The following ADCK1 variants were observed in gnomAD, a reference collection of about 807,000 sequenced individuals.
ADCK1 encodes the protein aarF domain containing kinase 1, also known as aarF domain-containing protein kinase 1.
A neutral mutation model predicts 52.3 loss-of-function variants in ADCK1; 41 were observed. The ratio of observed to expected loss-of-function variants is 0.78; its 90% CI spans 0.61 to 1.02. ADCK1 has a LOEUF of 1.02. ADCK1 is among the 50% of genes least tolerant of loss of function. The pLI, the probability that ADCK1 is intolerant of heterozygous loss-of-function variation, is 0.00. For synonymous variants in ADCK1, 250 were observed against 274.6 expected, an observed-to-expected ratio of 0.91 and a Z score of 0.89; for missense variants, 658 against 679.5, an observed-to-expected ratio of 0.97 and a Z score of 0.35.
intron 1 of ADCK1, among the ~76,000 whole-genome samples, chr14:77,807,099 C>T (rs1364241652): frequency 8.5e-5 from 9 of 106,390 alleles, no homozygotes; most frequent in Non-Finnish European, 1.4e-4. Context: ...GACGGAGTCT[C>T]GCTCTGTCGC....
At chr14:77,815,199 CTTTTTTTT>C (rs56211176) in intron 1 of ADCK1, among the ~76,000 whole-genome samples, 8 of 129,442 alleles carry the variant, frequency 6.2e-5, no homozygotes, top group African/African-American at 1.5e-4. Context: ...TTTGTTTTGT[CTTTTTTTT>C]TTTTTTTTTT....
chr14:77,871,321 G>T (rs35335143), intron 4 of ADCK1, among the ~76,000 whole-genome samples: 5 of 152,018 alleles, frequency 3.3e-5, no homozygotes, highest in Non-Finnish European at 7.4e-5. Flanking sequence ...CCACCCAAGG[G>T]CCAAGGTAGG....
chr14:77,839,590 C>T (rs1425476151), intron 3 of ADCK1, among the ~76,000 whole-genome samples: 1 of 152,100 alleles, frequency 6.6e-6, no homozygotes, highest in Non-Finnish European at 1.5e-5. Context: ...CAATGCAGGC[C>T]TCCCCTTCCC....
chr14:77,820,341 A>G, intron 2 of ADCK1, among the ~76,000 whole-genome samples: 1 of 151,200 alleles, frequency 6.6e-6, no homozygotes, highest in African/African-American at 2.4e-5. Flanking sequence ...TTAAATCTTT[A>G]TTTTTTTGAG....
intron 4 of ADCK1, among the ~76,000 whole-genome samples, chr14:77,876,658 A>T (rs1480832741): frequency 6.6e-6 from 1 of 152,208 alleles, no homozygotes; most frequent in Non-Finnish European, 1.5e-5. Context: ...CATGCGCCCC[A>T]GTAAACCACA....
intron 4 of ADCK1, among the ~76,000 whole-genome samples, chr14:77,883,302 A>T (rs1488063744): frequency 6.7e-6 from 1 of 148,944 alleles, no homozygotes; most frequent in African/African-American, 2.5e-5. Flanking sequence ...CTTGAATCTA[A>T]TTGCTGCAAA....
chr14:77,872,728 G>A (rs2082810785), intron 4 of ADCK1, among the ~76,000 whole-genome samples: 1 of 149,952 alleles, frequency 6.7e-6, no homozygotes, highest in Non-Finnish European at 1.5e-5. Flanking sequence ...AGGCTAGAGT[G>A]CAGTGGCATG....
chr14:77,821,891 GAA>G lies in ADCK1; in HGVS notation c.136-527_136-526del, dbSNP rs35265585. ...AGTGACAGAGCAAGACTCTGTCTCAGAAAAAAAAAAAAAAAAAAGACTTATGC... is the reference window on the plus strand; with the variant it reads ...AGTGACAGAGCAAGACTCTGTCTCAGAAAAAAAAAAAAAAAAGACTTATGC... On this transcript the variant is annotated intron_variant, in intron 2 of 10. Transcript: ENST00000238561. 7.3e-5 allele frequency among the ~76,000 whole-genome samples: 8 copies of G among 109,594 alleles called. 1 individual carries two copies. The East Asian group carries it at 2.0e-3, about 27-fold the overall frequency. 71.9% of individuals were successfully genotyped at this position (109,594 alleles called of 152,430 possible).
intron 3 of ADCK1, among the ~76,000 whole-genome samples, chr14:77,840,173 T>A (rs2082038402): frequency 1.3e-5 from 2 of 152,124 alleles, no homozygotes; most frequent in Admixed American, 1.3e-4. Flanking sequence ...ATTAGTTTCC[T>A]GTGACTGCTC....
intron 3 of ADCK1, among the ~76,000 whole-genome samples, chr14:77,856,418 A>G (rs2082418041): frequency 6.6e-6 from 1 of 151,934 alleles, no homozygotes; most frequent in Non-Finnish European, 1.5e-5. Context: ...GTGTGTATGT[A>G]TGACTGTCTG....
At chr14:77,809,222 A>G (rs2081288055) in intron 1 of ADCK1, among the ~76,000 whole-genome samples, 2 of 152,196 alleles carry the variant, frequency 1.3e-5, no homozygotes, top group South Asian at 2.1e-4. Context: ...CTTGAGTGGC[A>G]GAGTAAAGAT....
intron 5 of ADCK1, among the ~76,000 whole-genome samples, chr14:77,897,262 C>T (rs1245405415): frequency 5.3e-5 from 8 of 152,176 alleles, no homozygotes; most frequent in African/African-American, 1.2e-4. Context: ...GGCCTGGCTT[C>T]GAATGCCAGC....
intron 7 of ADCK1, chr14:77,924,123 AG>A: frequency 4.6e-6 from 1 of 218,706 alleles, no homozygotes; most frequent in Non-Finnish European, 8.7e-6. Flanking sequence ...AAGGGTATGG[AG>A]GAGAGAAATG....
At chr14:77,881,327 A>C (rs559920474) in intron 4 of ADCK1, among the ~76,000 whole-genome samples, 48 of 152,302 alleles carry the variant, frequency 3.2e-4, no homozygotes, top group African/African-American at 1.1e-3. Flanking sequence ...ATGCCGTGGC[A>C]GCTCACTTCT....
At chr14:77,898,936 T>A (rs545674265) in intron 5 of ADCK1, among the ~76,000 whole-genome samples, 164 bp from the exon 6 acceptor site, 1 of 152,278 alleles carries the variant, frequency 6.6e-6, no homozygotes, top group East Asian at 1.9e-4. Context: ...ACCAAGCTTA[T>A]GGGAGAGCAG....
At chr14:77,851,303 A>G (rs1049741472) in intron 3 of ADCK1, among the ~76,000 whole-genome samples, 4 of 151,918 alleles carry the variant, frequency 2.6e-5, no homozygotes, top group Non-Finnish European at 5.9e-5. Context: ...TTTTCAGTAG[A>G]GACAGGGTTT....
intron 7 of ADCK1, among the ~76,000 whole-genome samples, chr14:77,909,978 G>A (rs2083756164): frequency 2.0e-5 from 3 of 152,146 alleles, no homozygotes; most frequent in South Asian, 4.2e-4. Flanking sequence ...CACTCTTCCT[G>A]TTAGGCCACA....
chr14:77,931,643 C>T lies in ADCK1; in HGVS notation c.1332C>T (p.Ala444=), dbSNP rs772569167. 2.5e-6 allele frequency: 4 copies of T among 1,611,928 alleles called. No individual in the cohort carries two copies. Among genetic ancestry groups the T allele is most frequent in the Non-Finnish European group, 2.5e-6 (3 of 1,180,026 alleles). Residue 444 remains alanine, a synonymous_variant, in exon 10 of 11, where the codon GCC becomes GCT. Coordinates refer to ENST00000238561, the MANE Select transcript of ADCK1 (RefSeq NM_020421.4). ...TNDLLRGIEA[A]LGTRASASSF... is the part of the protein sequence containing the mutation. ...ACCTGCTGCGTGGCATTGAGGCCGC[C>T]CTGGGCACCCGCGCCAGCGCCAGCT... is the stretch of plus-strand genomic sequence containing the variant.
At chr14:77,819,629 C>G (rs576753128) in intron 2 of ADCK1, among the ~76,000 whole-genome samples, 1 of 152,258 alleles carries the variant, frequency 6.6e-6, no homozygotes, top group South Asian at 2.1e-4. Flanking sequence ...TGACAGAGAA[C>G]CTGAGTTGAA....
Sources: allele counts gnomAD v4.1 joint callset (sites outside exome capture counted in the v4.1 genomes callset), GRCh38; gene constraint gnomAD v4.1.1; transcripts MANE v1.5; gene names NCBI Gene and HGNC (gene_info 2026-07-23, HGNC 2026-07-21).